Variants in USH2A observed in about 807,000 individuals in gnomAD.
USH2A encodes the protein usherin.
USH2A carries 443 observed loss-of-function variants against 538.9 expected under a neutral mutation model. The observed-to-expected ratio is 0.82, with a 90% CI of 0.76 to 0.89. The LOEUF (loss-of-function observed/expected upper bound fraction) is 0.89. USH2A is among the 40% of genes least tolerant of loss of function. The pLI is 0.00. For synonymous variants in USH2A, 2,413 were observed against 2,273.5 expected, an observed-to-expected ratio of 1.06 and a Z score of -1.75; for missense variants, 6,633 against 6,324.8, an observed-to-expected ratio of 1.05 and a Z score of -1.65.
At chr1:216,184,685 C>T (rs558781849) in intron 20 of USH2A, among the ~76,000 whole-genome samples, 1 of 151,844 alleles carries the variant, frequency 6.6e-6, no homozygotes, top group East Asian at 1.9e-4. Flanking sequence ...TATTAGTATT[C>T]ACTAATGACT....
At chr1:215,720,380 T>C (rs1244256535) in intron 61 of USH2A, among the ~76,000 whole-genome samples, 3 of 152,212 alleles carry the variant, frequency 2.0e-5, no homozygotes, top group Non-Finnish European at 4.4e-5. Context: ...CCTACTGCAC[T>C]GATGAAATTC....
intron 64 of USH2A, among the ~76,000 whole-genome samples, chr1:215,665,318 G>A (rs1233613899): frequency 6.6e-6 from 1 of 152,196 alleles, no homozygotes; most frequent in Admixed American, 6.5e-5. Flanking sequence ...TTTCCTCTAA[G>A]ACTGACCTAC....
intron 3 of USH2A, among the ~76,000 whole-genome samples, chr1:216,366,033 A>C (rs1371127517): frequency 1.3e-5 from 2 of 152,126 alleles, no homozygotes; most frequent in Admixed American, 6.6e-5. Context: ...AATTGCATAC[A>C]CTTCTAAATA....
At chr1:216,029,587 A>G (rs909666647) in intron 32 of USH2A, among the ~76,000 whole-genome samples, 3 of 152,002 alleles carry the variant, frequency 2.0e-5, no homozygotes. Flanking sequence ...TATTAGTGTC[A>G]TATAGCCACA....
chr1:216,055,753 A>C lies in USH2A; in HGVS notation c.6050-7106T>G, dbSNP rs115664756. On this transcript the variant is annotated intron_variant, in intron 30 of 71. Coordinates refer to ENST00000307340, the MANE Select transcript of USH2A (RefSeq NM_206933.4). ...TTGGATAATATTTTCAATAAAAATA[A>C]GGACTTCTAATATTTACAAAGGGAA... Among the ~76,000 whole-genome samples, 1,121 of 152,360 alleles carry C rather than the reference A, an allele frequency of 7.4e-3. 14 individuals carry two copies. Among genetic ancestry groups the C allele is most frequent in the African/African-American group, 0.026 (1,070 of 41,580 alleles).
chr1:215,758,202 T>C (rs1016469184), intron 58 of USH2A, among the ~76,000 whole-genome samples: 1 of 151,780 alleles, frequency 6.6e-6, no homozygotes, highest in African/African-American at 2.4e-5. Flanking sequence ...AGGAGATTTG[T>C]TTGAACCCAG....
In USH2A at chr1:215,933,721, T is replaced by C. The variant is rs1030372998; in HGVS notation, c.7300+895A>G. Among the ~76,000 whole-genome samples the C allele has an allele frequency of 2.6e-5, 4 of 152,084 alleles. No individual in the cohort carries two copies. In the East Asian group the frequency reaches 5.8e-4, roughly 22 times the overall value. On this transcript the variant is annotated intron_variant, in intron 38 of 71. Coordinates refer to ENST00000307340, the MANE Select transcript of USH2A (RefSeq NM_206933.4). ...TGCCCTTCGGATTGCTGATAAAAGA[T>C]TGTGACATTCTCCCTTAGTTCAGAA...
chr1:216,065,488 A>T (rs914256012), intron 30 of USH2A, among the ~76,000 whole-genome samples: 2 of 152,344 alleles, frequency 1.3e-5, no homozygotes, highest in East Asian at 1.9e-4. Context: ...GCAAATCAAA[A>T]TTTTTTAAAA....
At chr1:215,680,483 C>G in intron 61 of USH2A, 107 bp from the exon 62 acceptor site, 3 of 1,048,972 alleles carry the variant, frequency 2.9e-6, no homozygotes, top group Non-Finnish European at 3.0e-6. Context: ...TAGGCAACAG[C>G]AGCGCAAACA....
chr1:216,340,050 GT>G (rs918312012), intron 4 of USH2A, among the ~76,000 whole-genome samples: 29 of 151,176 alleles, frequency 1.9e-4, no homozygotes, highest in Admixed American at 4.0e-4. Context: ...TCCAGGAGCT[GT>G]TTTTTTTGAA....
intron 55 of USH2A, among the ~76,000 whole-genome samples, chr1:215,773,484 G>T (rs1036099452): frequency 8.9e-6 from 1 of 112,224 alleles, no homozygotes; most frequent in Non-Finnish European, 1.7e-5. Flanking sequence ...ATGTCTCTCT[G>T]TCTCTCTGTC....
chr1:216,184,428 G>A (rs2034554122), intron 20 of USH2A, among the ~76,000 whole-genome samples: 2 of 151,954 alleles, frequency 1.3e-5, no homozygotes, highest in South Asian at 2.1e-4. Flanking sequence ...CTAATTGAAG[G>A]ACAGCAACAA....
rs753693371 is a variant in USH2A, at chr1:215,758,715, T to C, written c.11269A>G (p.Ser3757Gly). The change falls in exon 58 of 72, where the codon AGC (serine) becomes GGC (glycine). Residue 3757 changes from serine to glycine, a missense_variant. Transcript: ENST00000307340. ...ACAATGTAATCATCACTAGCACTGC[T>C]GCCACCTCCAGTTTTGACTTCTAAC... ...YKLEVKTGGG[S>G]SASDDYIVQT... 6.2e-7 allele frequency: 1 copy of C among 1,614,062 alleles called. No individual in the cohort carries two copies. Among genetic ancestry groups the C allele is most frequent in the South Asian group, 1.1e-5 (1 of 91,088 alleles).
chr1:215,736,976 C>A (rs1356092562), intron 60 of USH2A, among the ~76,000 whole-genome samples: 1 of 151,898 alleles, frequency 6.6e-6, no homozygotes, highest in African/African-American at 2.4e-5. Context: ...ACTTCTAGTA[C>A]TAAGAATAAT....
chr1:215,982,600 A>G lies in USH2A; in HGVS notation c.6805+10420T>C, dbSNP rs114444302. On this transcript the variant is annotated intron_variant, in intron 35 of 71. Transcript: ENST00000307340. ...AGAAAGTGCAAAGAAACAAGTATTTACTAAATACTGTAAAATAATTTTTGT... is the reference window on the plus strand; with the variant it reads ...AGAAAGTGCAAAGAAACAAGTATTTGCTAAATACTGTAAAATAATTTTTGT... Among the ~76,000 whole-genome samples the G allele has an allele frequency of 9.9e-3, 1,510 of 152,318 alleles. 10 individuals carry two copies. The highest frequency in any genetic ancestry group is 0.016 in the Non-Finnish European group (1,114 of 68,022).
At chr1:216,343,444 A>G (rs996465028) in intron 4 of USH2A, among the ~76,000 whole-genome samples, 1 of 151,094 alleles carries the variant, frequency 6.6e-6, no homozygotes, top group African/African-American at 2.4e-5. Flanking sequence ...GTAGGCTATG[A>G]CAGGAGGATT....
intron 41 of USH2A, chr1:215,886,464 A>G (rs1411411439): frequency 6.6e-6 from 1 of 152,216 alleles, no homozygotes; most frequent in East Asian, 1.9e-4. Flanking sequence ...TAAATACTAG[A>G]CTCAGTTGAA....
At chr1:215,648,874 T>C in intron 65 of USH2A, 108 bp from the exon 66 acceptor site, 2 of 1,054,158 alleles carry the variant, frequency 1.9e-6, no homozygotes, top group South Asian at 2.5e-5. Flanking sequence ...TGCCAGGCAC[T>C]CTGGGAGACA....
chr1:216,286,076 C>G lies in USH2A; in HGVS notation c.1971+3204G>C, dbSNP rs115176758. ...GAATGAGTTAACACTGTGGGGGACTCTTGGAAGGGCATGATTTTGTTTTGA... is the reference window on the plus strand; with the variant it reads ...GAATGAGTTAACACTGTGGGGGACTGTTGGAAGGGCATGATTTTGTTTTGA... On this transcript the variant is annotated intron_variant, in intron 11 of 71. Coordinates refer to ENST00000307340, the MANE Select transcript of USH2A (RefSeq NM_206933.4). 5.0e-3 allele frequency among the ~76,000 whole-genome samples: 754 copies of G among 152,188 alleles called. 6 individuals are homozygous for G. The highest frequency in any genetic ancestry group is 0.018 in the African/African-American group (735 of 41,534).
Sources: allele counts gnomAD v4.1 joint callset (sites outside exome capture counted in the v4.1 genomes callset), GRCh38; gene constraint gnomAD v4.1.1; transcripts MANE v1.5; gene names NCBI Gene and HGNC (gene_info 2026-07-23, HGNC 2026-07-21).